Variants in LIMA1 observed in about 807,000 individuals in gnomAD.
The protein encoded by LIMA1 is LIM domain and actin binding 1, also known as LIM domain and actin-binding protein 1.
LIMA1 carries 52 observed loss-of-function variants against 62.6 expected under a neutral mutation model. The ratio of observed to expected loss-of-function variants is 0.83; its 90% CI spans 0.67 to 1.05. The LOEUF (loss-of-function observed/expected upper bound fraction) is 1.05. Ranked by LOEUF, LIMA1 falls within the 50% of genes least tolerant of loss-of-function variation. LIMA1 has a pLI of 0.00. For synonymous variants in LIMA1, 302 were observed against 317.8 expected (o/e 0.95, Z 0.53); for missense variants, 780 against 902.2 (o/e 0.86, Z 1.74).
chr12:50,179,813 T>G (rs1338904478), intron 10 of LIMA1, among the ~76,000 whole-genome samples: 1 of 151,596 alleles, frequency 6.6e-6, no homozygotes, highest in African/African-American at 2.4e-5. Flanking sequence ...TGATCATAGC[T>G]CACTGCAGCC....
chr12:50,252,989 C>T (rs1337389367), intron 1 of LIMA1, among the ~76,000 whole-genome samples: 1 of 151,932 alleles, frequency 6.6e-6, no homozygotes, highest in African/African-American at 2.4e-5. Flanking sequence ...GGTTTAAATT[C>T]GTAAATTAAT....
chr12:50,176,839 C>A lies in LIMA1; in HGVS notation c.*225G>T, dbSNP rs1312981242. The A allele has an allele frequency of 1.3e-5, 6 of 460,920 alleles. No homozygotes were observed. Among genetic ancestry groups the A allele is most frequent in the Non-Finnish European group, 2.3e-5 (6 of 263,374 alleles). 28.6% of individuals were successfully genotyped at this position (460,920 alleles called of 1,614,324 possible). A position where few individuals can be genotyped will look rare whatever the true frequency, so the allele number is the denominator to read the frequency against. ...CTTACAGCACTTATGCATATCATCA[C>A]TGCTAAAATGAAGAATTTAAGTAAA... On this transcript the variant is annotated 3_prime_UTR_variant, in exon 11 of 11. Transcript: ENST00000341247.
intron 2 of LIMA1, among the ~76,000 whole-genome samples, chr12:50,243,040 G>C (rs755359455): frequency 3.9e-5 from 6 of 152,214 alleles, no homozygotes; most frequent in Non-Finnish European, 7.3e-5. Context: ...AGTCAGTGGT[G>C]AGTGAAACCA....
At chr12:50,197,544 T>G (rs1161686246) in intron 7 of LIMA1, among the ~76,000 whole-genome samples, 1 of 152,188 alleles carries the variant, frequency 6.6e-6, no homozygotes, top group Non-Finnish European at 1.5e-5. Flanking sequence ...TGTATTGTCT[T>G]TATCTCCTTT....
At chr12:50,200,954 A>G (rs373524204) in intron 6 of LIMA1, 70 bp from the exon 7 acceptor site, 1 of 1,563,032 alleles carries the variant, frequency 6.4e-7, no homozygotes, top group South Asian at 1.2e-5. Context: ...TAGCACATCT[A>G]TTAGATAAAC....
chr12:50,212,832 T>G (rs1387348908), intron 4 of LIMA1, among the ~76,000 whole-genome samples: 2 of 152,200 alleles, frequency 1.3e-5, no homozygotes, highest in Non-Finnish European at 2.9e-5. Flanking sequence ...TTATTTTTTT[T>G]GAGACAAAGT....
intron 4 of LIMA1, among the ~76,000 whole-genome samples, chr12:50,212,218 A>G (rs1941269741): frequency 6.6e-6 from 1 of 152,206 alleles, no homozygotes; most frequent in Non-Finnish European, 1.5e-5. Flanking sequence ...TTCAGAAAAA[A>G]TTATCTTTAA....
intron 3 of LIMA1, among the ~76,000 whole-genome samples, 181 bp downstream of exon 3, chr12:50,231,484 A>G (rs1941610532): frequency 6.6e-6 from 1 of 152,172 alleles, no homozygotes; most frequent in African/African-American, 2.4e-5. Context: ...AAAGCAGTGA[A>G]AAAATAAGAT....
intron 1 of LIMA1, among the ~76,000 whole-genome samples, chr12:50,274,642 C>A (rs535700342): frequency 3.3e-5 from 5 of 151,522 alleles, no homozygotes; most frequent in Non-Finnish European, 5.9e-5. Flanking sequence ...ACTGGAGAAG[C>A]CGGACAATTA....
Position 50,222,318 on chromosome 12 carries a change from G to C in LIMA1, c.333C>G (p.His111Gln), listed in dbSNP as rs756848795. 9 of 1,614,124 alleles carry C rather than the reference G, an allele frequency of 5.6e-6. No homozygotes were observed. Among genetic ancestry groups the C allele is most frequent in the Non-Finnish European group, 7.6e-6 (9 of 1,180,028 alleles). ...ADHPPAEVTS[H>Q]AASGAKADQE... ...GGTCAGCTTTGGCTCCAGAAGCAGCGTGGCTTGTCACTTCAGCAGGAGGAT... is the reference window on the plus strand; with the variant it reads ...GGTCAGCTTTGGCTCCAGAAGCAGCCTGGCTTGTCACTTCAGCAGGAGGAT... Residue 111 changes from histidine (H) to glutamine (Q), a missense_variant, in exon 4 of 11, where the codon CAC becomes CAG. His to Gln is a conservative substitution (Grantham distance 24). Coordinates refer to ENST00000341247, the MANE Select transcript of LIMA1 (RefSeq NM_016357.5).
intron 1 of LIMA1, among the ~76,000 whole-genome samples, chr12:50,266,595 T>C (rs1310640969): frequency 6.6e-6 from 1 of 152,200 alleles, no homozygotes. Context: ...CAAACATGCT[T>C]GTACTATTGC....
At chr12:50,219,752 T>C (rs1036221655) in intron 4 of LIMA1, 2 of 145,418 alleles carry the variant, frequency 1.4e-5, no homozygotes, top group Admixed American at 1.4e-4. Flanking sequence ...GCAGTGGCGA[T>C]CATGGCTCAC....
intron 4 of LIMA1, among the ~76,000 whole-genome samples, chr12:50,217,193 C>T (rs11169322): frequency 0.32 from 48,571 of 151,450 alleles, 8,047 homozygotes; most frequent in South Asian, 0.47. Flanking sequence ...CTATTTTTTC[C>T]TTGGATCACA....
chr12:50,191,715 G>A (rs572848454), intron 9 of LIMA1, among the ~76,000 whole-genome samples: 4 of 152,090 alleles, frequency 2.6e-5, no homozygotes, highest in Non-Finnish European at 4.4e-5. Context: ...CCAGCTACTC[G>A]GGAGGCCGAG....
At chr12:50,190,366 ATTTTTTT>A (rs1206751938) in intron 9 of LIMA1, 1 of 121,162 alleles carries the variant, frequency 8.3e-6, no homozygotes, top group African/African-American at 3.1e-5. Flanking sequence ...CTTGAATGTC[ATTTTTTT>A]TTTTTTTTTT....
At chr12:50,240,051 C>A (rs12305117) in intron 2 of LIMA1, among the ~76,000 whole-genome samples, 44 of 136,894 alleles carry the variant, frequency 3.2e-4, no homozygotes, top group African/African-American at 1.1e-3. Flanking sequence ...CATAACATAA[C>A]ATAACATAAA....
At chr12:50,272,634 TG>T (rs765740681) in intron 1 of LIMA1, among the ~76,000 whole-genome samples, 2 of 148,614 alleles carry the variant, frequency 1.3e-5, no homozygotes, top group South Asian at 2.2e-4. Flanking sequence ...CACGTAACAA[TG>T]CCTTAATAAA....
intron 10 of LIMA1, among the ~76,000 whole-genome samples, chr12:50,179,490 T>C (rs1011806500): frequency 1.4e-5 from 2 of 148,008 alleles, no homozygotes; most frequent in Non-Finnish European, 3.0e-5. Context: ...CAGGCTGGAG[T>C]GCAGTGACAC....
intron 4 of LIMA1, among the ~76,000 whole-genome samples, chr12:50,207,971 C>T (rs1047846763): frequency 2.6e-5 from 4 of 151,730 alleles, no homozygotes; most frequent in African/African-American, 9.7e-5. Context: ...GAAAACATAC[C>T]ACATCAGAAA....
Sources: gnomAD v4.1 joint callset for allele counts (sites outside exome capture counted in the v4.1 genomes callset) on GRCh38, gnomAD v4.1.1 for gene constraint, MANE v1.5 for transcripts, NCBI Gene and HGNC (gene_info 2026-07-23, HGNC 2026-07-21) for gene names.